Variants in ARID2 observed in about 807,000 individuals in gnomAD.
The protein encoded by ARID2 is AT-rich interaction domain 2.
Under a neutral mutation model 184.6 loss-of-function variants are expected in ARID2, and 32 were observed. That is an observed-to-expected ratio of 0.17 (90% CI 0.13 to 0.23). The LOEUF (loss-of-function observed/expected upper bound fraction) is 0.23. ARID2 is among the 10% of genes least tolerant of loss of function. The probability of loss-of-function intolerance (pLI) is 1.00; values close to 1 mark genes in which losing one functional copy is unlikely to be tolerated. For missense variants in ARID2, 1,696 were observed against 2,197.6 expected, an observed-to-expected ratio of 0.77 and a Z score of 4.56; for synonymous variants, 836 against 772.6, an observed-to-expected ratio of 1.08 and a Z score of -1.36.
chr12:45,849,089 G>A lies in ARID2; in HGVS notation c.1715+119G>A, dbSNP rs147329066. On this transcript the variant is annotated intron_variant, in intron 13 of 20. Coordinates refer to ENST00000334344, the MANE Select transcript of ARID2 (RefSeq NM_152641.4). ...AAATATTTCTACTACTAGAAGTTTCGTATGGATAGGTTATAGTGTGGTGGA... is the reference window on the plus strand; with the variant it reads ...AAATATTTCTACTACTAGAAGTTTCATATGGATAGGTTATAGTGTGGTGGA... 8.9e-5 allele frequency: 103 copies of A among 1,154,052 alleles called. 1 individual carries two copies. The East Asian group carries it at 2.4e-3, about 27-fold the overall frequency. 71.5% of individuals were successfully genotyped at this position (1,154,052 alleles called of 1,614,324 possible).
At chr12:45,866,828 T>C (rs994244809) in intron 16 of ARID2, among the ~76,000 whole-genome samples, 7 of 152,200 alleles carry the variant, frequency 4.6e-5, no homozygotes, top group East Asian at 3.8e-4. Context: ...TTAACCTACA[T>C]TGACACATCA....
intron 3 of ARID2, among the ~76,000 whole-genome samples, chr12:45,763,492 T>C (rs1385481638): frequency 6.6e-6 from 1 of 151,428 alleles, no homozygotes; most frequent in Non-Finnish European, 1.5e-5. Flanking sequence ...GGTCATAAAA[T>C]GTTTTGCCTG....
intron 3 of ARID2, among the ~76,000 whole-genome samples, chr12:45,755,752 C>T (rs1245354855): frequency 6.6e-6 from 1 of 152,142 alleles, no homozygotes; most frequent in African/African-American, 2.4e-5. Context: ...CTCTGGAACT[C>T]AGCACTTCTC....
At chr12:45,839,544 GA>G (rs764004023) in intron 11 of ARID2, 48 bp downstream of exon 11, 1 of 1,552,156 alleles carries the variant, frequency 6.4e-7, no homozygotes, top group Non-Finnish European at 8.7e-7. Context: ...GAGTGTATAA[GA>G]TTTGATCCTA....
chr12:45,830,686 G>A (rs555768741), intron 6 of ARID2, among the ~76,000 whole-genome samples: 46 of 152,144 alleles, frequency 3.0e-4, no homozygotes, highest in African/African-American at 1.1e-3. Context: ...TGCACAAAGT[G>A]TTTAAATAAA....
intron 18 of ARID2, among the ~76,000 whole-genome samples, chr12:45,893,070 T>C (rs774014530): frequency 5.3e-5 from 8 of 152,190 alleles, no homozygotes; most frequent in Admixed American, 1.3e-4. Context: ...TTTGTTAAAA[T>C]GTTCACATTA....
chr12:45,729,717 A>T lies in ARID2; in HGVS notation c.-120A>T. The T allele has an allele frequency of 1.1e-6, 1 of 891,644 alleles. No individual in the cohort carries two copies. Among genetic ancestry groups the T allele is most frequent in the Non-Finnish European group, 1.6e-6 (1 of 619,574 alleles). The allele number at this position is 891,644 out of a possible 1,614,324, so 55.2% of individuals were successfully genotyped here. ...CCGCCGCCGCCACCGCCGGCCCATG[A>T]CTGAGCCCCGCCGCCGCCGGCCGAG... is the stretch of plus-strand genomic sequence containing the variant. On this transcript the variant is annotated 5_prime_UTR_variant, in exon 1 of 21. Transcript: ENST00000334344.
intron 16 of ARID2, among the ~76,000 whole-genome samples, chr12:45,873,722 A>G (rs558796461): frequency 3.9e-5 from 6 of 152,242 alleles, no homozygotes; most frequent in African/African-American, 7.2e-5. Flanking sequence ...TAAGTGTGCA[A>G]TAACATTTTG....
At chr12:45,741,591 ATT>A (rs138543133) in intron 3 of ARID2, among the ~76,000 whole-genome samples, 22,895 of 152,102 alleles carry the variant, frequency 0.15, 2,007 homozygotes, top group Admixed American at 0.21. Flanking sequence ...AAAATCTATC[ATT>A]GTTATGCATT....
chr12:45,899,621 G>GTATATATTTGGTTATATA lies in ARID2; in HGVS notation c.5364-5305_5364-5288dup, dbSNP rs1555161457. On this transcript the variant is annotated intron_variant, in intron 20 of 20. Coordinates refer to ENST00000334344, the MANE Select transcript of ARID2 (RefSeq NM_152641.4). ...ATTCCATCTCAAAATATATATATATGTATATATTTGGTTATATATATATAT... is the reference window on the plus strand; with the variant it reads ...ATTCCATCTCAAAATATATATATATGTATATATTTGGTTATATATATATATTTGGTTATATATATATAT... 4.4e-3 allele frequency among the ~76,000 whole-genome samples: 544 copies of GTATATATTTGGTTATATA among 124,680 alleles called. 7 individuals carry two copies. The highest frequency in any genetic ancestry group is 0.015 in the African/African-American group (517 of 35,462). 81.8% of individuals were successfully genotyped at this position (124,680 alleles called of 152,430 possible).
rs2138161491 is a variant in ARID2 at position 45,850,388 on chromosome 12, A to T, written c.2265A>T (p.Thr755=). The change falls in exon 15 of 21, where the codon ACA becomes ACT. Residue 755 remains threonine (T), a synonymous_variant. Coordinates refer to ENST00000334344, the MANE Select transcript of ARID2 (RefSeq NM_152641.4). The part of the protein sequence containing the change: ...QNHSTGPQPV[T]VVNSQTLLHH... Reference sequence around the variant, plus strand: ...ATAGTACAGGGCCACAACCTGTTACAGTTGTGAATTCTCAGACATTGCTTC... The same window carrying T: ...ATAGTACAGGGCCACAACCTGTTACTGTTGTGAATTCTCAGACATTGCTTC... 1.2e-6 allele frequency: 2 copies of T among 1,614,098 alleles called. No homozygotes were observed. Among genetic ancestry groups the T allele is most frequent in the Non-Finnish European group, 1.7e-6 (2 of 1,179,982 alleles).
At chr12:45,887,070 C>T (rs1298107503) in intron 16 of ARID2, among the ~76,000 whole-genome samples, 1 of 152,156 alleles carries the variant, frequency 6.6e-6, no homozygotes, top group Non-Finnish European at 1.5e-5. Flanking sequence ...TACCTAGTAG[C>T]CTATGTGAAT....
chr12:45,903,731 A>G (rs1944486335), intron 20 of ARID2, among the ~76,000 whole-genome samples: 1 of 152,000 alleles, frequency 6.6e-6, no homozygotes, highest in South Asian at 2.1e-4. Flanking sequence ...TCTTTTCTAC[A>G]GTGTTTTTTA....
chr12:45,805,393 T>A (rs1365645613), intron 3 of ARID2, among the ~76,000 whole-genome samples: 1 of 152,092 alleles, frequency 6.6e-6, no homozygotes, highest in Non-Finnish European at 1.5e-5. Context: ...ACTAGTTTTC[T>A]TCTCCCATTT....
chr12:45,897,579 C>T (rs896879038), intron 20 of ARID2, among the ~76,000 whole-genome samples: 3 of 152,078 alleles, frequency 2.0e-5, no homozygotes, highest in Non-Finnish European at 4.4e-5. Flanking sequence ...ACAGAATTAC[C>T]TGTTTCATTC....
At chr12:45,741,755 A>G (rs1471788473) in intron 3 of ARID2, among the ~76,000 whole-genome samples, 4 of 152,142 alleles carry the variant, frequency 2.6e-5, no homozygotes, top group African/African-American at 4.8e-5. Flanking sequence ...AGAATCATCT[A>G]TTTCTCTGAA....
intron 12 of ARID2, among the ~76,000 whole-genome samples, chr12:45,847,700 C>T (rs111249367): frequency 2.0e-5 from 3 of 152,010 alleles, no homozygotes; most frequent in Admixed American, 6.6e-5. Context: ...ATTTCATGCT[C>T]CTGTCACTCT....
chr12:45,798,416 T>C (rs574712568), intron 3 of ARID2, among the ~76,000 whole-genome samples: 1 of 152,318 alleles, frequency 6.6e-6, no homozygotes, highest in South Asian at 2.1e-4. Context: ...GGAATTAGTC[T>C]CTCACCTCCT....
At chr12:45,747,003 T>C (rs576282303) in intron 3 of ARID2, among the ~76,000 whole-genome samples, 73 of 152,186 alleles carry the variant, frequency 4.8e-4, no homozygotes, top group African/African-American at 1.6e-3. Context: ...ACTCCTGACC[T>C]TGTGATCCGC....
Sources: allele counts gnomAD v4.1 joint callset (sites outside exome capture counted in the v4.1 genomes callset), GRCh38; gene constraint gnomAD v4.1.1; transcripts MANE v1.5; gene names NCBI Gene and HGNC (gene_info 2026-07-23, HGNC 2026-07-21).